CHN2: variants seen among roughly 807,000 people sequenced by gnomAD.
CHN2 encodes chimerin 2.
In CHN2, 35 loss-of-function variants were observed where a neutral mutation model predicts 56.3. That is an observed-to-expected ratio of 0.62 (90% CI 0.47 to 0.82). The LOEUF is 0.82. Among genes scored for constraint, CHN2 ranks in the 40% least tolerant of loss-of-function variants. The pLI is 0.00. For synonymous variants in CHN2, 210 were observed against 212.8 expected (o/e 0.99, Z 0.12); for missense variants, 491 against 580.5 (o/e 0.85, Z 1.58).
intron 6 of CHN2, among the ~76,000 whole-genome samples, chr7:29,407,825 A>G (rs1802800366): frequency 6.6e-6 from 1 of 152,188 alleles, no homozygotes; most frequent in South Asian, 2.1e-4. Context: ...AGTCTGAGCA[A>G]TTGCTGATTT....
chr7:29,442,837 C>T (rs1323440722), intron 6 of CHN2, among the ~76,000 whole-genome samples: 2 of 151,808 alleles, frequency 1.3e-5, no homozygotes, highest in African/African-American at 2.4e-5. Context: ...ATTTTTTCAG[C>T]GATTAATACC....
chr7:29,512,498 T>A, intron 12 of CHN2, 66 bp from the exon 13 acceptor site: 1 of 1,407,432 alleles, frequency 7.1e-7, no homozygotes, highest in Non-Finnish European at 9.7e-7. Context: ...CTTACATACA[T>A]AATCAATACA....
intron 11 of CHN2, among the ~76,000 whole-genome samples, chr7:29,507,645 A>G (rs900985023): frequency 6.6e-6 from 1 of 152,188 alleles, no homozygotes; most frequent in East Asian, 1.9e-4. Context: ...TGTTGAAAGC[A>G]TGAATATTTC....
chr7:29,292,643 T>A (rs1010274514), intron 1 of CHN2, among the ~76,000 whole-genome samples: 1 of 152,246 alleles, frequency 6.6e-6, no homozygotes, highest in Non-Finnish European at 1.5e-5. Flanking sequence ...TATTTGCTAG[T>A]TAAAAACTGG....
At chr7:29,455,490 C>T (rs1028826946) in intron 6 of CHN2, among the ~76,000 whole-genome samples, 7 of 152,190 alleles carry the variant, frequency 4.6e-5, no homozygotes, top group South Asian at 2.1e-4. Flanking sequence ...ACCAGAACCC[C>T]GGTTTCCTGA....
intron 1 of CHN2, among the ~76,000 whole-genome samples, chr7:29,340,309 CT>C (rs1207739639): frequency 1.3e-5 from 2 of 151,016 alleles, no homozygotes; most frequent in Non-Finnish European, 2.9e-5. Flanking sequence ...TGACCATTTC[CT>C]TTATGTTATG....
chr7:29,455,536 C>G (rs961548959), intron 6 of CHN2, among the ~76,000 whole-genome samples: 1 of 152,156 alleles, frequency 6.6e-6, no homozygotes, highest in Non-Finnish European at 1.5e-5. Flanking sequence ...CTTTCCCCAC[C>G]ACTGCAGGAA....
At chr7:29,233,604 T>C (rs918465041) in intron 1 of CHN2, among the ~76,000 whole-genome samples, 1 of 152,006 alleles carries the variant, frequency 6.6e-6, no homozygotes, top group East Asian at 1.9e-4. Flanking sequence ...TTCCTGTGGG[T>C]CTGATGTATT....
chr7:29,391,650 G>A (rs1437468683), intron 3 of CHN2, among the ~76,000 whole-genome samples: 4 of 152,030 alleles, frequency 2.6e-5, no homozygotes, highest in Admixed American at 1.3e-4. Context: ...ATCTTTCAAG[G>A]CACCCTAAAT....
At chr7:29,190,281 T>A (rs1782723061), upstream of CHN2, among the ~76,000 whole-genome samples, 1 of 152,180 alleles carries the variant, frequency 6.6e-6, no homozygotes, top group South Asian at 2.1e-4. Context: ...CCATAAAATA[T>A]TTAAAGCTAG....
intron 2 of CHN2, among the ~76,000 whole-genome samples, chr7:29,166,680 T>C (rs934410532): frequency 2.6e-5 from 4 of 152,176 alleles, no homozygotes; most frequent in African/African-American, 9.6e-5. Context: ...TCTTATACTT[T>C]TAGTATCTAC....
In CHN2 at chr7:29,263,997, C is replaced by T. The variant is rs912356246; in HGVS notation, c.49+69007C>T. Among the ~76,000 whole-genome samples, 10 of 118,812 alleles carry T rather than the reference C, an allele frequency of 8.4e-5. 1 individual carries two copies. Among genetic ancestry groups the T allele is most frequent in the Admixed American group, 3.2e-4 (4 of 12,578 alleles). The allele number at this position is 118,812 out of a possible 152,430, so 77.9% of individuals were successfully genotyped here. On this transcript the variant is annotated intron_variant, in intron 1 of 12. Transcript: ENST00000222792. Reference sequence around the variant, plus strand: ...GGGGGGCAGCCCCCGCCCAGCCAGCCGCCCCATCCGGGAGCTGGGGGGCAG... The same window carrying T: ...GGGGGGCAGCCCCCGCCCAGCCAGCTGCCCCATCCGGGAGCTGGGGGGCAG...
chr7:29,326,944 G>A (rs1027329466), intron 1 of CHN2, among the ~76,000 whole-genome samples: 1 of 152,184 alleles, frequency 6.6e-6, no homozygotes, highest in South Asian at 2.1e-4. Context: ...TAGGATAGAT[G>A]TTATTCTATC....
chr7:29,314,332 G>A (rs1794803861), intron 1 of CHN2, among the ~76,000 whole-genome samples: 1 of 152,164 alleles, frequency 6.6e-6, no homozygotes, highest in South Asian at 2.1e-4. Flanking sequence ...ACCTAGAGTA[G>A]TCAAATTCAC....
intron 6 of CHN2, among the ~76,000 whole-genome samples, chr7:29,432,701 A>T (rs950074467): frequency 6.6e-6 from 1 of 152,228 alleles, no homozygotes; most frequent in African/African-American, 2.4e-5. Flanking sequence ...AGGACAACAG[A>T]TGTAAAATCA....
At chr7:29,201,778 C>T (rs1013068914) in intron 1 of CHN2, among the ~76,000 whole-genome samples, 1 of 152,208 alleles carries the variant, frequency 6.6e-6, no homozygotes, top group Non-Finnish European at 1.5e-5. Context: ...AAGACAGAGA[C>T]AAAACTAATG....
At chr7:29,273,927 G>A (rs1790964954) in intron 1 of CHN2, among the ~76,000 whole-genome samples, 1 of 152,138 alleles carries the variant, frequency 6.6e-6, no homozygotes, top group African/African-American at 2.4e-5. Flanking sequence ...CAGATCCCCT[G>A]TAAAAAGGCC....
chr7:29,466,294 A>G (rs1456206203), intron 6 of CHN2, among the ~76,000 whole-genome samples: 2 of 152,192 alleles, frequency 1.3e-5, no homozygotes, highest in Admixed American at 6.5e-5. Flanking sequence ...GCTATACTCT[A>G]CATATTGAGA....
intron 3 of CHN2, among the ~76,000 whole-genome samples, chr7:29,368,198 TA>T (rs1462108599): frequency 6.6e-6 from 1 of 152,180 alleles, no homozygotes; most frequent in Non-Finnish European, 1.5e-5. Flanking sequence ...AGATGTCTCA[TA>T]TTTTTAACCA....
Sources: allele counts gnomAD v4.1 joint callset (sites outside exome capture counted in the v4.1 genomes callset), GRCh38; gene constraint gnomAD v4.1.1; transcripts MANE v1.5; gene names NCBI Gene and HGNC (gene_info 2026-07-23, HGNC 2026-07-21).